The following EYA2 variants were observed in gnomAD, a reference collection of about 807,000 sequenced individuals.
The protein encoded by EYA2 is EYA transcriptional coactivator and phosphatase 2.
Under a neutral mutation model 69.2 loss-of-function variants are expected in EYA2, and 31 were observed. The ratio of observed to expected loss-of-function variants is 0.45; its 90% CI spans 0.34 to 0.60. The LOEUF is 0.60. Among genes scored for constraint, EYA2 ranks in the 20% least tolerant of loss-of-function variants. EYA2 has a pLI of 0.02. For synonymous variants in EYA2, 257 were observed against 279.4 expected (o/e 0.92, Z 0.80); for missense variants, 622 against 701.2 (o/e 0.89, Z 1.28).
chr20:47,118,005 C>G (rs1460704601), intron 9 of EYA2, among the ~76,000 whole-genome samples: 1 of 152,324 alleles, frequency 6.6e-6, no homozygotes, highest in South Asian at 2.1e-4. Context: ...AGTTTAAAGG[C>G]CTGGCCAGAC....
At chr20:47,057,962 T>C (rs1224593144) in intron 5 of EYA2, among the ~76,000 whole-genome samples, 1 of 152,186 alleles carries the variant, frequency 6.6e-6, no homozygotes, top group Non-Finnish European at 1.5e-5. Flanking sequence ...AACAAGATAA[T>C]GCATGCAAAC....
At chr20:46,995,193 G>T (rs1981941288) in intron 2 of EYA2, among the ~76,000 whole-genome samples, 2 of 152,182 alleles carry the variant, frequency 1.3e-5, no homozygotes, top group Admixed American at 6.5e-5. Context: ...GAGCCACCGT[G>T]CCTGGCCTGT....
At chr20:46,972,048 G>A (rs1427634616) in intron 1 of EYA2, among the ~76,000 whole-genome samples, 2 of 152,188 alleles carry the variant, frequency 1.3e-5, no homozygotes, top group African/African-American at 4.8e-5. Context: ...TAGGAAGCAG[G>A]GGGTGATTAG....
At chr20:47,081,984 C>T (rs974378090) in intron 7 of EYA2, among the ~76,000 whole-genome samples, 2 of 151,506 alleles carry the variant, frequency 1.3e-5, no homozygotes, top group Non-Finnish European at 2.9e-5. Context: ...GGATTACAGG[C>T]GCCCACTACC....
intron 9 of EYA2, among the ~76,000 whole-genome samples, chr20:47,097,624 T>C (rs1346579331): frequency 2.0e-5 from 3 of 152,234 alleles, no homozygotes; most frequent in African/African-American, 7.2e-5. Context: ...AGTGTGGATC[T>C]TAGCAATCGT....
intron 9 of EYA2, among the ~76,000 whole-genome samples, chr20:47,128,986 T>C (rs1271092319): frequency 6.6e-6 from 1 of 152,132 alleles, no homozygotes; most frequent in Non-Finnish European, 1.5e-5. Flanking sequence ...TAGCCGAGCA[T>C]GGTGGCATGT....
chr20:47,051,129 G>GAT (rs2030308401), intron 5 of EYA2, among the ~76,000 whole-genome samples: 1 of 152,264 alleles, frequency 6.6e-6, no homozygotes, highest in Non-Finnish European at 1.5e-5. Context: ...CCTGGGGCGA[G>GAT]ACCCTAGCCT....
In EYA2 at chr20:47,102,212, G is replaced by A. The variant is rs890774543; in HGVS notation, c.888+5044G>A. Reference sequence around the variant, plus strand: ...CCACATTCCAGCACAACTTCTAGGCGTTAATGCCAATGTCCCAAACTGGGT... The same window carrying A: ...CCACATTCCAGCACAACTTCTAGGCATTAATGCCAATGTCCCAAACTGGGT... On this transcript the variant is annotated intron_variant, in intron 9 of 15. Transcript: ENST00000327619. 4.6e-5 allele frequency among the ~76,000 whole-genome samples: 7 copies of A among 152,152 alleles called. No homozygotes were observed. The South Asian group carries it at 6.2e-4, about 13-fold the overall frequency.
intron 1 of EYA2, among the ~76,000 whole-genome samples, chr20:46,937,559 C>A (rs1233811777): frequency 6.6e-6 from 1 of 152,044 alleles, no homozygotes; most frequent in Non-Finnish European, 1.5e-5. Flanking sequence ...TACAGAGTGG[C>A]CCTGTTGTTT....
chr20:47,127,823 T>C (rs1600728095), intron 9 of EYA2, among the ~76,000 whole-genome samples: 1 of 152,224 alleles, frequency 6.6e-6, no homozygotes, highest in South Asian at 2.1e-4. Context: ...GCCGTAGGCT[T>C]CGTGTTTCTA....
chr20:46,948,896 G>A (rs1236428519), intron 1 of EYA2, among the ~76,000 whole-genome samples: 3 of 152,198 alleles, frequency 2.0e-5, no homozygotes, highest in South Asian at 4.1e-4. Flanking sequence ...CCAGGTCATT[G>A]TATATCTGTT....
chr20:46,931,612 G>A (rs1157400723), intron 1 of EYA2, among the ~76,000 whole-genome samples: 2 of 152,190 alleles, frequency 1.3e-5, no homozygotes, highest in Non-Finnish European at 2.9e-5. Context: ...ACAAATGTGA[G>A]CTGTCATTCT....
chr20:46,953,856 C>T (rs1003457775), intron 1 of EYA2, among the ~76,000 whole-genome samples: 1 of 152,172 alleles, frequency 6.6e-6, no homozygotes, highest in Non-Finnish European at 1.5e-5. Flanking sequence ...AGCAAAGGAG[C>T]TCTCGTTGGG....
intron 2 of EYA2, 27 bp downstream of exon 2, chr20:46,990,146 C>A: frequency 2.2e-6 from 3 of 1,338,746 alleles, no homozygotes; most frequent in South Asian, 1.2e-5. Context: ...GAGTTTGGGT[C>A]AACAGGTGTG....
At chr20:47,044,440 T>C (rs1356177800) in intron 5 of EYA2, among the ~76,000 whole-genome samples, 1 of 152,064 alleles carries the variant, frequency 6.6e-6, no homozygotes, top group Non-Finnish European at 1.5e-5. Flanking sequence ...CAAAAATCAA[T>C]ATTTGTAATA....
intron 7 of EYA2, among the ~76,000 whole-genome samples, chr20:47,075,645 G>A (rs765743753): frequency 2.6e-5 from 4 of 152,072 alleles, no homozygotes; most frequent in Non-Finnish European, 5.9e-5. Context: ...AGCGACTCAG[G>A]GTCCTCAAGA....
chr20:46,988,722 G>A (rs1402935608), intron 1 of EYA2, among the ~76,000 whole-genome samples: 1 of 152,130 alleles, frequency 6.6e-6, no homozygotes, highest in African/African-American at 2.4e-5. Flanking sequence ...TTTATTTTGA[G>A]ACAGGGTCTC....
chr20:47,097,590 C>G (rs1457589570), intron 9 of EYA2, among the ~76,000 whole-genome samples: 17 of 152,098 alleles, frequency 1.1e-4, no homozygotes, highest in Admixed American at 1.1e-3. Flanking sequence ...TTTTTTGAGA[C>G]AAGGGGGAGG....
chr20:47,112,862 CTTTTTTTTTT>C (rs11473217), intron 9 of EYA2, among the ~76,000 whole-genome samples: 18 of 55,808 alleles, frequency 3.2e-4, no homozygotes, highest in Non-Finnish European at 4.9e-4. Context: ...ATGTTCACTC[CTTTTTTTTTT>C]TTTTTTTTTT....
Sources: allele counts gnomAD v4.1 joint callset (sites outside exome capture counted in the v4.1 genomes callset), GRCh38; gene constraint gnomAD v4.1.1; transcripts MANE v1.5; gene names NCBI Gene and HGNC (gene_info 2026-07-23, HGNC 2026-07-21).